Variants in CNTNAP2 observed in about 807,000 individuals in gnomAD.
CNTNAP2 encodes the protein contactin associated protein 2.
A neutral mutation model predicts 155.2 loss-of-function variants in CNTNAP2; 98 were observed. That is an observed-to-expected ratio of 0.63 (90% confidence interval 0.54 to 0.75). CNTNAP2 has a LOEUF of 0.75. CNTNAP2 is among the 30% of genes least tolerant of loss of function. The pLI, the probability that CNTNAP2 is intolerant of heterozygous loss-of-function variation, is 0.00. For synonymous variants in CNTNAP2, 651 were observed against 631.2 expected (o/e 1.03, Z -0.47); for missense variants, 1,727 against 1,688.1 (o/e 1.02, Z -0.40).
At chr7:148,047,173 T>A (rs1489162532) in intron 15 of CNTNAP2, among the ~76,000 whole-genome samples, 1 of 152,310 alleles carries the variant, frequency 6.6e-6, no homozygotes, top group East Asian at 1.9e-4. Context: ...TGGTCGACGC[T>A]CATTATTCAC....
chr7:146,549,896 T>C (rs928934047), intron 1 of CNTNAP2, among the ~76,000 whole-genome samples: 1 of 152,056 alleles, frequency 6.6e-6, no homozygotes, highest in East Asian at 1.9e-4. Context: ...ACACCTGCAG[T>C]AGAATCAACA....
chr7:147,293,387 A>G (rs561543870), intron 8 of CNTNAP2, among the ~76,000 whole-genome samples: 1 of 152,324 alleles, frequency 6.6e-6, no homozygotes, highest in African/African-American at 2.4e-5. Context: ...TGGAATTTTT[A>G]TAGATAAGAA....
intron 21 of CNTNAP2, among the ~76,000 whole-genome samples, chr7:148,355,166 CTTTTT>C (rs1167992306): frequency 3.7e-4 from 15 of 41,022 alleles, no homozygotes; most frequent in South Asian, 1.6e-3. Context: ...CCGCCAGCTG[CTTTTT>C]TTTTTTTTTT....
intron 3 of CNTNAP2, among the ~76,000 whole-genome samples, chr7:146,962,047 A>C (rs548050839): frequency 6.6e-6 from 1 of 152,316 alleles, no homozygotes; most frequent in African/African-American, 2.4e-5. Context: ...TGACCTGTTT[A>C]GATAACTCTA....
intron 13 of CNTNAP2, among the ~76,000 whole-genome samples, chr7:147,836,285 A>T (rs540431804): frequency 1.1e-4 from 17 of 152,268 alleles, no homozygotes; most frequent in Non-Finnish European, 4.4e-5. Flanking sequence ...CTCTGTCAAC[A>T]TTTAATATTA....
intron 21 of CNTNAP2, among the ~76,000 whole-genome samples, chr7:148,278,681 T>A (rs1298951126): frequency 6.6e-6 from 1 of 151,898 alleles, no homozygotes; most frequent in Non-Finnish European, 1.5e-5. Context: ...GAACAATGGA[T>A]AAAACAGAAA....
At chr7:148,306,217 G>A (rs980415325) in intron 21 of CNTNAP2, among the ~76,000 whole-genome samples, 6 of 152,000 alleles carry the variant, frequency 3.9e-5, no homozygotes, top group Non-Finnish European at 5.9e-5. Context: ...ATTTGAACTC[G>A]GTGTTTTTCT....
At chr7:147,519,437 C>A (rs1051182682) in intron 11 of CNTNAP2, among the ~76,000 whole-genome samples, 1 of 152,220 alleles carries the variant, frequency 6.6e-6, no homozygotes, top group Non-Finnish European at 1.5e-5. Context: ...TTAACCTAAT[C>A]ACATCTGCAA....
chr7:148,061,450 T>C (rs1380730225), intron 15 of CNTNAP2, among the ~76,000 whole-genome samples: 1 of 151,962 alleles, frequency 6.6e-6, no homozygotes, highest in Non-Finnish European at 1.5e-5. Context: ...ACCTCCCAGG[T>C]TCAAGTGAGT....
intron 13 of CNTNAP2, among the ~76,000 whole-genome samples, chr7:147,723,611 C>T (rs1047083979): frequency 2.0e-5 from 3 of 151,320 alleles, no homozygotes; most frequent in African/African-American, 7.3e-5. Flanking sequence ...TCTGCTTATA[C>T]GTGAAAAAAA....
At chr7:147,941,066 G>GT (rs1800712433) in intron 14 of CNTNAP2, among the ~76,000 whole-genome samples, 1 of 152,178 alleles carries the variant, frequency 6.6e-6, no homozygotes, top group African/African-American at 2.4e-5. Context: ...AACTATACAC[G>GT]TACTTTCTGA....
rs777962628 is a variant in CNTNAP2, at chr7:147,562,126, T to C, written c.1778-12T>C. 4 of 1,613,908 alleles carry C rather than the reference T, an allele frequency of 2.5e-6. No homozygotes were observed. The South Asian group carries it at 3.3e-5, about 13-fold the overall frequency. ...TGTGCTGTGCTTATGTAGGATATTT[T>C]GTTTGTTCTAGCTATCTACGAGCCT... On this transcript the variant is annotated splice_polypyrimidine_tract_variant and intron_variant, in intron 11 of 23. Transcript: ENST00000361727.
intron 9 of CNTNAP2, among the ~76,000 whole-genome samples, chr7:147,322,410 G>C (rs1584872104): frequency 6.6e-6 from 1 of 152,278 alleles, no homozygotes; most frequent in African/African-American, 2.4e-5. Flanking sequence ...GTGCTCAATT[G>C]TATTTAATAA....
At chr7:146,130,425 G>T (rs1322987722) in intron 1 of CNTNAP2, among the ~76,000 whole-genome samples, 1 of 152,202 alleles carries the variant, frequency 6.6e-6, no homozygotes, top group Admixed American at 6.5e-5. Context: ...AATAATGATT[G>T]CACCACTGCA....
chr7:146,584,581 AT>A (rs1187022947), intron 1 of CNTNAP2, among the ~76,000 whole-genome samples: 2 of 152,308 alleles, frequency 1.3e-5, no homozygotes, highest in East Asian at 3.9e-4. Flanking sequence ...AGTTACAGAA[AT>A]CTACATTCAC....
intron 8 of CNTNAP2, among the ~76,000 whole-genome samples, chr7:147,239,988 T>G (rs1245679030): frequency 1.3e-5 from 2 of 152,192 alleles, no homozygotes; most frequent in African/African-American, 4.8e-5. Flanking sequence ...TATGAGATTT[T>G]GGTGTATCCA....
chr7:147,161,591 TAAAAG>T (rs1287835663), intron 8 of CNTNAP2: 3 of 150,140 alleles, frequency 2.0e-5, no homozygotes, highest in African/African-American at 7.4e-5. Context: ...GATTCCAACT[TAAAAG>T]AAAAGAGCTG....
chr7:146,215,054 A>G (rs1258596185), intron 1 of CNTNAP2, among the ~76,000 whole-genome samples: 1 of 152,212 alleles, frequency 6.6e-6, no homozygotes, highest in Non-Finnish European at 1.5e-5. Context: ...CAGACATCAA[A>G]TCAAATGACT....
chr7:147,817,300 G>C (rs939101354), intron 13 of CNTNAP2, among the ~76,000 whole-genome samples: 6 of 152,112 alleles, frequency 3.9e-5, no homozygotes, highest in African/African-American at 1.2e-4. Context: ...TTTTGAAACC[G>C]TTAGAAAAAT....
Sources: allele counts gnomAD v4.1 joint callset (sites outside exome capture counted in the v4.1 genomes callset), GRCh38; gene constraint gnomAD v4.1.1; transcripts MANE v1.5; gene names NCBI Gene and HGNC (gene_info 2026-07-23, HGNC 2026-07-21).